LEPR: variants seen among roughly 807,000 people sequenced by gnomAD.
LEPR encodes the protein leptin receptor.
LEPR carries 56 observed loss-of-function variants against 114.7 expected under a neutral mutation model. The ratio of observed to expected loss-of-function variants is 0.49; its 90% confidence interval spans 0.39 to 0.61. LEPR has a LOEUF of 0.61. Among genes scored for constraint, LEPR ranks in the 20% least tolerant of loss-of-function variants. LEPR has a pLI of 0.00. For missense variants in LEPR, 1,202 were observed against 1,352.9 expected, an observed-to-expected ratio of 0.89 and a Z score of 1.75; for synonymous variants, 443 against 461.4, an observed-to-expected ratio of 0.96 and a Z score of 0.51.
At chr1:65,525,559 G>A (rs1417185121) in intron 2 of LEPR, 19 of 913,444 alleles carry the variant, frequency 2.1e-5, no homozygotes, top group Non-Finnish European at 2.5e-5. Flanking sequence ...GGGCGGCTGC[G>A]GAGGGCGCGG....
At chr1:65,558,289 G>A (rs1019835094) in intron 2 of LEPR, among the ~76,000 whole-genome samples, 24 of 152,132 alleles carry the variant, frequency 1.6e-4, no homozygotes, top group Non-Finnish European at 1.5e-5. Context: ...TGTGATATCA[G>A]TGTATAAAGA....
chr1:65,602,972 A>G (rs532949874), intron 10 of LEPR, among the ~76,000 whole-genome samples: 32 of 152,166 alleles, frequency 2.1e-4, no homozygotes, highest in Non-Finnish European at 3.8e-4. Context: ...ACATTAGAAA[A>G]GGTGTTTATG....
intron 2 of LEPR, among the ~76,000 whole-genome samples, chr1:65,455,604 G>T (rs1390290454): frequency 6.6e-6 from 1 of 152,090 alleles, no homozygotes; most frequent in Non-Finnish European, 1.5e-5. Context: ...GGGGGTCAGG[G>T]GTCAGGGACC....
intron 2 of LEPR, chr1:65,526,475 GT>G (rs1649981714): frequency 1.1e-6 from 1 of 940,516 alleles, no homozygotes; most frequent in South Asian, 4.9e-5. Flanking sequence ...TCTTTCTGGT[GT>G]TATTTCTAGA....
chr1:65,534,466 T>A (rs1650616609), intron 2 of LEPR, among the ~76,000 whole-genome samples: 1 of 152,218 alleles, frequency 6.6e-6, no homozygotes, highest in African/African-American at 2.4e-5. Flanking sequence ...GAGAGCTTAC[T>A]CGGGGCTAAG....
chr1:65,572,306 T>TTG lies in LEPR; in HGVS notation c.371-19_371-18insGT. 4.8e-6 allele frequency: 7 copies of TTG among 1,450,900 alleles called. No homozygotes were observed. The African/African-American group carries it at 1.0e-4, about 21-fold the overall frequency. The allele number at this position is 1,450,900 out of a possible 1,614,324, so 89.9% of individuals were successfully genotyped here. Reference sequence around the variant, plus strand: ...CATGTAGTTGTTTTTTTTTTTTTTTTTTTTTTTTTTTAAATTCAGATGCAA... The same window carrying TTG: ...CATGTAGTTGTTTTTTTTTTTTTTTTTGTTTTTTTTTTTAAATTCAGATGCAA... On this transcript the variant is annotated intron_variant, in intron 4 of 19. Transcript: ENST00000349533.
At chr1:65,420,865 G>T in intron 1 of LEPR, 125 bp downstream of exon 1, 2 of 1,212,748 alleles carry the variant, frequency 1.6e-6, no homozygotes, top group Non-Finnish European at 2.3e-6. Context: ...CGCCTCTCCG[G>T]TTCGGGAGGC....
At position 65,475,032 on chromosome 1, in the gene LEPR, A is replaced by G. The variant is rs1440758492; in HGVS notation, c.-21+49654A>G. 2.2e-5 allele frequency among the ~76,000 whole-genome samples: 3 copies of G among 137,606 alleles called. No homozygotes were observed. The Admixed American group carries it at 2.3e-4, about 10-fold the overall frequency. 90.3% of individuals were successfully genotyped at this position (137,606 alleles called of 152,430 possible). ...AAAAAAAAAAAAAAAAAAAAAAAGT[A>G]GCAAGAAAATAATCATTTTGAAAGG... On this transcript the variant is annotated intron_variant, in intron 2 of 19. Coordinates refer to ENST00000349533, the MANE Select transcript of LEPR (RefSeq NM_002303.6).
intron 14 of LEPR, among the ~76,000 whole-genome samples, chr1:65,610,936 G>C (rs1381949770): frequency 6.6e-6 from 1 of 152,168 alleles, no homozygotes; most frequent in Non-Finnish European, 1.5e-5. Flanking sequence ...TAATACCCAA[G>C]GTTGAATGAG....
chr1:65,499,154 C>T (rs1323466602), intron 2 of LEPR, among the ~76,000 whole-genome samples: 1 of 152,060 alleles, frequency 6.6e-6, no homozygotes, highest in Non-Finnish European at 1.5e-5. Flanking sequence ...TTTATGTTCT[C>T]TGGTGCCAGC....
chr1:65,522,300 T>C (rs1044415066), intron 2 of LEPR, among the ~76,000 whole-genome samples: 6 of 152,266 alleles, frequency 3.9e-5, no homozygotes, highest in African/African-American at 1.2e-4. Context: ...AGGTTAAGAC[T>C]CACCCTCCTC....
chr1:65,488,850 T>C (rs1336386121), intron 2 of LEPR, among the ~76,000 whole-genome samples: 1 of 152,030 alleles, frequency 6.6e-6, no homozygotes, highest in African/African-American at 2.4e-5. Context: ...AGCTCCCACA[T>C]GTGAGTGAGA....
chr1:65,480,106 C>G (rs989702012), intron 2 of LEPR, among the ~76,000 whole-genome samples: 3 of 152,088 alleles, frequency 2.0e-5, no homozygotes, highest in African/African-American at 7.2e-5. Flanking sequence ...AACCACCACA[C>G]CAATGGACAA....
chr1:65,470,427 A>G (rs1647068920), intron 2 of LEPR, among the ~76,000 whole-genome samples: 1 of 152,348 alleles, frequency 6.6e-6, no homozygotes. Context: ...GTAACTTAAC[A>G]TTGGTTCTAG....
At chr1:65,488,414 A>G (rs1156817308) in intron 2 of LEPR, among the ~76,000 whole-genome samples, 1 of 149,466 alleles carries the variant, frequency 6.7e-6, no homozygotes, top group Non-Finnish European at 1.5e-5. Context: ...ACAGCATTGA[A>G]TCAACCTCCT....
intron 19 of LEPR, chr1:65,634,995 C>T: frequency 1.2e-6 from 1 of 822,476 alleles, no homozygotes; most frequent in Non-Finnish European, 1.5e-6. Context: ...CTACATAAGT[C>T]TATTCCATTA....
chr1:65,589,272 A>C lies in LEPR; in HGVS notation c.495-3385A>C, dbSNP rs987271158. ...CTATCTTTTTAACTGGGTTGTTTGT[A>C]TTATTATTATTTAGTTTTGAGTATT... On this transcript the variant is annotated intron_variant, in intron 5 of 19. Transcript: ENST00000349533. Among the ~76,000 whole-genome samples, 22 of 152,054 alleles carry C rather than the reference A, an allele frequency of 1.4e-4. No homozygotes were observed. In the East Asian group the frequency reaches 2.7e-3, roughly 19 times the overall value.
intron 10 of LEPR, among the ~76,000 whole-genome samples, chr1:65,603,230 A>AT (rs1656569341): frequency 6.6e-6 from 1 of 152,088 alleles, no homozygotes; most frequent in Non-Finnish European, 1.5e-5. Context: ...CTGTCATGAT[A>AT]ATGATGCCAA....
At chr1:65,479,908 C>G (rs540389172) in intron 2 of LEPR, among the ~76,000 whole-genome samples, 29 of 149,426 alleles carry the variant, frequency 1.9e-4, no homozygotes, top group African/African-American at 7.3e-4. Flanking sequence ...AAAAACAAAA[C>G]AAAACAAGAC....
Sources: gnomAD v4.1 joint callset for allele counts (sites outside exome capture counted in the v4.1 genomes callset) on GRCh38, gnomAD v4.1.1 for gene constraint, MANE v1.5 for transcripts, NCBI Gene and HGNC (gene_info 2026-07-23, HGNC 2026-07-21) for gene names.